CADPS2: variants seen among roughly 807,000 people sequenced by gnomAD.
CADPS2 encodes the protein calcium-dependent secretion activator 2.
Under a neutral mutation model 172.5 loss-of-function variants are expected in CADPS2, and 93 were observed. That is an observed-to-expected ratio of 0.54 (90% CI 0.46 to 0.64). The LOEUF (loss-of-function observed/expected upper bound fraction) is 0.64. Among genes scored for constraint, CADPS2 ranks in the 30% least tolerant of loss-of-function variants. The probability of loss-of-function intolerance (pLI) is 0.00; values close to 1 mark genes in which losing one functional copy is unlikely to be tolerated. For synonymous variants in CADPS2, 546 were observed against 555.2 expected (o/e 0.98, Z 0.23); for missense variants, 1,420 against 1,565.9 (o/e 0.91, Z 1.57).
chr7:122,737,147 G>C, intron 1 of CADPS2, 79 bp from the exon 2 acceptor site: 1 of 726,970 alleles, frequency 1.4e-6, no homozygotes, highest in South Asian at 1.6e-5. Context: ...CATATTTGCT[G>C]TATATTAGAT....
At chr7:122,839,431 G>A (rs1465743962) in intron 1 of CADPS2, among the ~76,000 whole-genome samples, 1 of 152,128 alleles carries the variant, frequency 6.6e-6, no homozygotes, top group Admixed American at 6.5e-5. Context: ...TGACAAATGG[G>A]ATCTAACTAA....
intron 24 of CADPS2, among the ~76,000 whole-genome samples, chr7:122,383,021 C>T (rs1159337214): frequency 1.3e-5 from 2 of 152,008 alleles, no homozygotes; most frequent in Admixed American, 1.3e-4. Flanking sequence ...AAACAAAAAC[C>T]ACTTGAACTT....
chr7:122,474,432 T>C lies in CADPS2; in HGVS notation c.1947A>G (p.Ile649Met), dbSNP rs762049782. The C allele has an allele frequency of 6.2e-7, 1 of 1,613,104 alleles. No homozygotes were observed. The highest frequency in any genetic ancestry group is 8.5e-7 in the Non-Finnish European group (1 of 1,179,578). ...TGTGATCCAAAGTCTGCCTCTGGAG[T>C]ATTCTAAAAAGGAAGGCATGATCAA... ...CKLDHAFLFR[I>M]LQRQTLDHRL... is the part of the protein sequence containing the mutation. The change falls in exon 13 of 30, where the codon ATA becomes ATG. Residue 649 changes from isoleucine (I) to methionine (M), a missense_variant. By Grantham distance (10) the Ile-to-Met change is conservative. Transcript: ENST00000449022.
intron 11 of CADPS2, among the ~76,000 whole-genome samples, chr7:122,487,679 G>A (rs1042967802): frequency 1.3e-5 from 2 of 152,178 alleles, no homozygotes; most frequent in East Asian, 1.9e-4. Flanking sequence ...TTATTAAAAT[G>A]TAAAGGACTC....
intron 20 of CADPS2, among the ~76,000 whole-genome samples, chr7:122,403,617 TTA>T (rs2046235377): frequency 6.6e-6 from 1 of 152,182 alleles, no homozygotes; most frequent in Non-Finnish European, 1.5e-5. Flanking sequence ...AAATTACATT[TTA>T]TAGTTAGAAT....
At chr7:122,410,443 C>A (rs1428193080) in intron 19 of CADPS2, among the ~76,000 whole-genome samples, 1 of 138,332 alleles carries the variant, frequency 7.2e-6, no homozygotes, top group African/African-American at 2.7e-5. Flanking sequence ...CTTGGAAAGC[C>A]TTTTTTTTTT....
chr7:122,809,420 G>GAA (rs56120318), intron 1 of CADPS2, among the ~76,000 whole-genome samples: 3 of 144,434 alleles, frequency 2.1e-5, no homozygotes, highest in African/African-American at 7.6e-5. Flanking sequence ...AAAAAAAAAA[G>GAA]AAAAAAAAAA....
At position 122,470,437 on chromosome 7, in the gene CADPS2, T is replaced by C. The variant is rs542402743; in HGVS notation, c.2186+938A>G. 2.6e-3 allele frequency among the ~76,000 whole-genome samples: 389 copies of C among 152,194 alleles called. 3 individuals are homozygous for C. The highest frequency in any genetic ancestry group is 9.0e-3 in the African/African-American group (375 of 41,540). ...AAGTCATTCATTCATTCATCAAATA[T>C]GTATTGAGCAAGATTAAGAGAAGGG... On this transcript the variant is annotated intron_variant, in intron 14 of 29. Transcript: ENST00000449022.
intron 11 of CADPS2, among the ~76,000 whole-genome samples, chr7:122,487,033 T>G (rs997883857): frequency 8.4e-5 from 9 of 106,674 alleles, no homozygotes; most frequent in Non-Finnish European, 1.7e-4. Flanking sequence ...TTTTTTTTTT[T>G]GAGACAGGGT....
chr7:122,695,545 G>C (rs1347800954), intron 2 of CADPS2, among the ~76,000 whole-genome samples: 2 of 152,114 alleles, frequency 1.3e-5, no homozygotes, highest in Admixed American at 6.6e-5. Context: ...GTTTTGTTCT[G>C]ACATAAAAGA....
chr7:122,537,655 T>G (rs1244819447), intron 8 of CADPS2, among the ~76,000 whole-genome samples: 1 of 151,824 alleles, frequency 6.6e-6, no homozygotes, highest in Admixed American at 6.6e-5. Flanking sequence ...ACTCAAGGAT[T>G]TGGAAAAAAC....
At chr7:122,610,502 T>C (rs1465127509) in intron 6 of CADPS2, among the ~76,000 whole-genome samples, 6 of 151,494 alleles carry the variant, frequency 4.0e-5, no homozygotes, top group Non-Finnish European at 8.8e-5. Flanking sequence ...CCAGGAAAAG[T>C]AAAATTACAG....
At chr7:122,473,710 T>C (rs1277068993) in intron 13 of CADPS2, among the ~76,000 whole-genome samples, 4 of 152,212 alleles carry the variant, frequency 2.6e-5, no homozygotes, top group African/African-American at 7.2e-5. Flanking sequence ...TTTTAGGTTA[T>C]AAAGTTTAGT....
At chr7:122,380,095 G>C (rs988902904) in intron 24 of CADPS2, among the ~76,000 whole-genome samples, 1 of 151,832 alleles carries the variant, frequency 6.6e-6, no homozygotes, top group African/African-American at 2.4e-5. Context: ...TCATGAAAAA[G>C]ATGCCTTTAA....
intron 2 of CADPS2, among the ~76,000 whole-genome samples, chr7:122,693,875 A>T (rs1296826080): frequency 6.6e-6 from 1 of 152,124 alleles, no homozygotes; most frequent in Non-Finnish European, 1.5e-5. Context: ...GAGGAAGGAG[A>T]ATCACTTCAA....
intron 11 of CADPS2, among the ~76,000 whole-genome samples, chr7:122,481,422 C>T (rs1484646125): frequency 6.6e-6 from 1 of 152,114 alleles, no homozygotes; most frequent in Non-Finnish European, 1.5e-5. Context: ...AAATTGATAT[C>T]AAATAACAGA....
intron 7 of CADPS2, among the ~76,000 whole-genome samples, chr7:122,568,420 A>G (rs1042968827): frequency 4.6e-5 from 7 of 152,336 alleles, no homozygotes; most frequent in African/African-American, 1.7e-4. Context: ...AGATATTCAT[A>G]AAACATGAGG....
chr7:122,728,255 G>T (rs544676902), intron 2 of CADPS2, among the ~76,000 whole-genome samples: 5 of 151,618 alleles, frequency 3.3e-5, no homozygotes, highest in Admixed American at 1.3e-4. Flanking sequence ...ATCTATCAAG[G>T]ATAAAAAAGT....
rs1011974978 is a variant in CADPS2 at position 122,555,374 on chromosome 7, G to A, written c.1336-685C>T. On this transcript the variant is annotated intron_variant, in intron 7 of 29. Transcript: ENST00000449022. ...CAAGCCTACTCTTCAGATGTTAGGT[G>A]CCATGCAGATAACACAAGGTATTCT... 2.0e-5 allele frequency among the ~76,000 whole-genome samples: 3 copies of A among 152,092 alleles called. No individual in the cohort carries two copies. In the East Asian group the frequency reaches 5.8e-4, roughly 29 times the overall value.
Sources: gnomAD v4.1 joint callset for allele counts (sites outside exome capture counted in the v4.1 genomes callset) on GRCh38, gnomAD v4.1.1 for gene constraint, MANE v1.5 for transcripts, NCBI Gene and HGNC (gene_info 2026-07-23, HGNC 2026-07-21) for gene names.